Variants in MACROD2 observed in about 807,000 individuals in gnomAD.
MACROD2 encodes the protein ADP-ribose glycohydrolase MACROD2.
Under a neutral mutation model 70.4 loss-of-function variants are expected in MACROD2, and 36 were observed. The observed-to-expected ratio is 0.51, with a 90% CI of 0.39 to 0.68. The LOEUF is 0.68. Ranked by LOEUF, MACROD2 falls within the 30% of genes least tolerant of loss-of-function variation. The pLI is 0.00. For synonymous variants in MACROD2, 172 were observed against 178.8 expected, an observed-to-expected ratio of 0.96 and a Z score of 0.30; for missense variants, 496 against 538.4, an observed-to-expected ratio of 0.92 and a Z score of 0.78.
At chr20:15,056,136 C>T (rs1455296253) in intron 5 of MACROD2, among the ~76,000 whole-genome samples, 1 of 152,108 alleles carries the variant, frequency 6.6e-6, no homozygotes, top group Non-Finnish European at 1.5e-5. Context: ...CAGCACCCGA[C>T]CCCCTCCTCT....
chr20:15,966,138 A>G (rs1272623036), intron 12 of MACROD2, among the ~76,000 whole-genome samples: 1 of 152,214 alleles, frequency 6.6e-6, no homozygotes, highest in Non-Finnish European at 1.5e-5. Flanking sequence ...ATGGAGAGAA[A>G]CAGAGGGAGA....
intron 12 of MACROD2, among the ~76,000 whole-genome samples, chr20:15,959,633 G>A (rs562122053): frequency 1.3e-5 from 2 of 152,236 alleles, no homozygotes; most frequent in East Asian, 1.9e-4. Context: ...GGGTTCAAGC[G>A]ATTCTCCTGT....
intron 8 of MACROD2, among the ~76,000 whole-genome samples, chr20:15,623,378 T>G (rs775491879): frequency 5.9e-5 from 9 of 152,190 alleles, no homozygotes; most frequent in Non-Finnish European, 1.3e-4. Flanking sequence ...ATTTGATAAA[T>G]GAATATGTTA....
In MACROD2 at chr20:14,951,945, C is replaced by T. The variant is rs2074479737; in HGVS notation, c.418+266986C>T. On this transcript the variant is annotated intron_variant, in intron 5 of 17. Coordinates refer to ENST00000684519, the MANE Select transcript of MACROD2 (RefSeq NM_001351661.2). ...TTTTTTTTTTTTCCAGAGCTTATTA[C>T]TCATCACTTAAAATAGCTGTTGTGG... Among the ~76,000 whole-genome samples the T allele has an allele frequency of 3.4e-5, 5 of 148,660 alleles. No individual in the cohort carries two copies. The South Asian group carries it at 1.1e-3, about 31-fold the overall frequency.
At chr20:14,330,581 G>T (rs1043997552) in intron 3 of MACROD2, among the ~76,000 whole-genome samples, 3 of 152,036 alleles carry the variant, frequency 2.0e-5, no homozygotes, top group Admixed American at 6.6e-5. Flanking sequence ...TACCAACATG[G>T]TCATAGGCTA....
At chr20:14,118,842 ATTTTTTTTTTTTTT>A (rs1225541555) in intron 3 of MACROD2, among the ~76,000 whole-genome samples, 1 of 121,240 alleles carries the variant, frequency 8.2e-6, no homozygotes, top group Non-Finnish European at 1.8e-5. Flanking sequence ...AGTGACTGTG[ATTTTTTTTTTTTTT>A]TTTTTTTTAG....
chr20:13,998,190 G>A (rs1386460152), intron 1 of MACROD2, among the ~76,000 whole-genome samples: 1 of 151,766 alleles, frequency 6.6e-6, no homozygotes, highest in East Asian at 1.9e-4. Flanking sequence ...TATATTTGTG[G>A]CCTCCAGTAT....
At chr20:15,428,776 T>G (rs1447475548) in intron 6 of MACROD2, among the ~76,000 whole-genome samples, 1 of 152,208 alleles carries the variant, frequency 6.6e-6, no homozygotes, top group Non-Finnish European at 1.5e-5. Flanking sequence ...GTATTGTATT[T>G]TTTTTCTTGT....
intron 4 of MACROD2, among the ~76,000 whole-genome samples, chr20:14,568,351 C>G (rs887510331): frequency 6.6e-6 from 1 of 152,062 alleles, no homozygotes; most frequent in African/African-American, 2.4e-5. Context: ...TTCCCCAATG[C>G]ATGACATGGC....
intron 8 of MACROD2, among the ~76,000 whole-genome samples, chr20:15,528,905 T>C (rs555061347): frequency 6.6e-6 from 1 of 152,310 alleles, no homozygotes; most frequent in South Asian, 2.1e-4. Context: ...CATTCTCTCT[T>C]CTCTGAATTC....
chr20:16,011,222 G>A (rs566276494), intron 15 of MACROD2, among the ~76,000 whole-genome samples: 2 of 152,256 alleles, frequency 1.3e-5, no homozygotes, highest in East Asian at 3.9e-4. Flanking sequence ...TTGACCACGC[G>A]GCACTTCTTT....
intron 8 of MACROD2, among the ~76,000 whole-genome samples, chr20:15,627,483 G>C (rs1162824067): frequency 1.3e-5 from 2 of 152,094 alleles, no homozygotes; most frequent in Non-Finnish European, 2.9e-5. Context: ...TGTAGGTTAG[G>C]GGTTTTTCAA....
At chr20:15,296,755 C>T (rs1471859828) in intron 6 of MACROD2, among the ~76,000 whole-genome samples, 1 of 151,936 alleles carries the variant, frequency 6.6e-6, no homozygotes, top group African/African-American at 2.4e-5. Flanking sequence ...ATCTCATTTG[C>T]CTTTTTCTAT....
intron 5 of MACROD2, among the ~76,000 whole-genome samples, chr20:14,846,719 G>A (rs6079580): frequency 0.33 from 49,679 of 151,742 alleles, 9,134 homozygotes; most frequent in Non-Finnish European, 0.41. Flanking sequence ...GGGTTTTGCC[G>A]TGTTAGCCAG....
At chr20:14,830,303 TG>T (rs1384024059) in intron 5 of MACROD2, among the ~76,000 whole-genome samples, 23 of 152,140 alleles carry the variant, frequency 1.5e-4, no homozygotes, top group Admixed American at 5.9e-4. Context: ...ACTGCTGCAA[TG>T]GTTTTTAGAG....
At chr20:14,993,464 T>C (rs1410642939) in intron 5 of MACROD2, among the ~76,000 whole-genome samples, 1 of 152,096 alleles carries the variant, frequency 6.6e-6, no homozygotes, top group Non-Finnish European at 1.5e-5. Context: ...CCATTTTCTG[T>C]GTGTCTTTAT....
At chr20:14,878,264 A>G (rs6042957) in intron 5 of MACROD2, among the ~76,000 whole-genome samples, 25,172 of 152,068 alleles carry the variant, frequency 0.17, 2,313 homozygotes, top group Non-Finnish European at 0.21. Flanking sequence ...CTTAAACCCT[A>G]AAAATATTAC....
chr20:14,843,205 T>C (rs2073105234), intron 5 of MACROD2, among the ~76,000 whole-genome samples: 1 of 149,342 alleles, frequency 6.7e-6, no homozygotes. Flanking sequence ...ATATAATGTC[T>C]AGGCTCTTTG....
chr20:15,396,005 G>T (rs1449318921), intron 6 of MACROD2, among the ~76,000 whole-genome samples: 1 of 152,148 alleles, frequency 6.6e-6, no homozygotes, highest in African/African-American at 2.4e-5. Flanking sequence ...ATAAAATAAC[G>T]TACATCAAGG....
Sources: gnomAD v4.1 joint callset for allele counts (sites outside exome capture counted in the v4.1 genomes callset) on GRCh38, gnomAD v4.1.1 for gene constraint, MANE v1.5 for transcripts, NCBI Gene and HGNC (gene_info 2026-07-23, HGNC 2026-07-21) for gene names.